The following IL12RB2 variants were observed in gnomAD, a reference collection of about 807,000 sequenced individuals.
IL12RB2 encodes the protein interleukin 12 receptor subunit beta 2.
IL12RB2 carries 82 observed loss-of-function variants against 89.4 expected under a neutral mutation model. That is an observed-to-expected ratio of 0.92 (90% confidence interval 0.77 to 1.10). IL12RB2 has a LOEUF of 1.10. Ranked by LOEUF, IL12RB2 falls within the 50% of genes least tolerant of loss-of-function variation. The probability of loss-of-function intolerance (pLI) is 0.00; values close to 1 mark genes in which losing one functional copy is unlikely to be tolerated. For synonymous variants in IL12RB2, 368 were observed against 370.1 expected (o/e 0.99, Z 0.07); for missense variants, 963 against 1,031.9 (o/e 0.93, Z 0.92).
chr1:67,389,442 T>A (rs184096246), intron 15 of IL12RB2, among the ~76,000 whole-genome samples: 172 of 152,334 alleles, frequency 1.1e-3, no homozygotes, highest in African/African-American at 3.8e-3. Context: ...ATAAGAAATG[T>A]TTTTAGGATT....
chr1:67,387,416 T>C (rs1262824835), intron 15 of IL12RB2, among the ~76,000 whole-genome samples: 1 of 151,768 alleles, frequency 6.6e-6, no homozygotes, highest in Non-Finnish European at 1.5e-5. Flanking sequence ...TTAAATAGTA[T>C]GGCAGGCCGG....
chr1:67,395,462 G>C, intron 16 of IL12RB2, 85 bp from the exon 17 acceptor site: 21 of 1,611,872 alleles, frequency 1.3e-5, no homozygotes, highest in Non-Finnish European at 1.8e-5. Flanking sequence ...AGTGCAGGTT[G>C]TGAGGCCTTT....
Position 67,329,670 on chromosome 1 carries a change from G to A in IL12RB2, c.748G>A (p.Gly250Arg), listed in dbSNP as rs1342643312. 6.3e-7 allele frequency: 1 copy of A among 1,592,330 alleles called. No individual in the cohort carries two copies. Among genetic ancestry groups the A allele is most frequent in the African/African-American group, 1.3e-5 (1 of 74,464 alleles). ...SRCTLYWRDE[G>R]LVLLNRLRYR... ...ATGTACCCTTTATTGGAGAGATGAGGGACTGGTACTGCTTAATCGACTCAG... is the reference window on the plus strand; with the variant it reads ...ATGTACCCTTTATTGGAGAGATGAGAGACTGGTACTGCTTAATCGACTCAG... Residue 250 changes from glycine (G) to arginine (R), a missense_variant, in exon 7 of 17, where the codon GGA becomes AGA. By Grantham distance (125) the Gly-to-Arg change is moderately radical (BLOSUM62 -2). Transcript: ENST00000674203.
rs143237488 is a variant in IL12RB2 at position 67,324,546 on chromosome 1, G to A, written c.365-2189G>A. Reference sequence around the variant, plus strand: ...AATTTTTGTATTTTTAGTAGAGACAGGGTTTCACCATGTTACCCAGGCTCA... The same window carrying A: ...AATTTTTGTATTTTTAGTAGAGACAAGGTTTCACCATGTTACCCAGGCTCA... On this transcript the variant is annotated intron_variant, in intron 4 of 16. Coordinates refer to ENST00000674203, the MANE Select transcript of IL12RB2 (RefSeq NM_001374259.2). Among the ~76,000 whole-genome samples the A allele has an allele frequency of 1.1e-4, 16 of 152,174 alleles. 1 individual carries two copies. In the East Asian group the frequency reaches 2.9e-3, roughly 28 times the overall value.
rs1665181361 is a variant in IL12RB2 at position 67,386,632 on chromosome 1, A to C, written c.1909A>C (p.Met637Leu). The C allele has an allele frequency of 6.2e-7, 1 of 1,613,596 alleles. No individual in the cohort carries two copies. Among genetic ancestry groups the C allele is most frequent in the South Asian group, 1.1e-5 (1 of 91,080 alleles). The change falls in exon 15 of 17, where the codon ATG becomes CTG. Residue 637 changes from methionine (M) to leucine (L), a missense_variant. Physicochemically the swap from Met to Leu is conservative, Grantham distance 15. Transcript: ENST00000674203. ...VAPSICIAII[M>L]VGIFSTHYFQ... ...ACCAAGCATTTGCATTGCTATCATC[A>C]TGGTGGGCATTTTCTCAACGCATTA... is the stretch of plus-strand genomic sequence containing the variant.
intron 2 of IL12RB2, among the ~76,000 whole-genome samples, chr1:67,318,237 G>A (rs773362530): frequency 3.3e-5 from 5 of 152,238 alleles, no homozygotes; most frequent in Non-Finnish European, 7.3e-5. Flanking sequence ...GGCAAGATGG[G>A]AAGAAGTGAG....
intron 14 of IL12RB2, among the ~76,000 whole-genome samples, chr1:67,384,212 C>T (rs1557473072): frequency 6.6e-6 from 1 of 152,254 alleles, no homozygotes; most frequent in Non-Finnish European, 1.5e-5. Context: ...CCAGGCACTT[C>T]CATACATCCT....
Position 67,395,825 on chromosome 1 carries a change from C to T in IL12RB2, c.2325C>T (p.Ser775=), listed in dbSNP as rs769052274. The change falls in exon 17 of 17, where the codon TCC becomes TCT. Residue 775 remains serine (S), a synonymous_variant. Transcript: ENST00000674203. ...ACAAGGTGCTGGAGAGCAGGGGCTC[C>T]GACCCAAAGCCCGAAAACCCAGCCT... ...DLYKVLESRG[S]DPKPENPACP... is the part of the protein sequence containing the mutation. 36 of 1,612,056 alleles carry T rather than the reference C, an allele frequency of 2.2e-5. No individual in the cohort carries two copies. Among genetic ancestry groups the T allele is most frequent in the South Asian group, 5.5e-5 (5 of 91,052 alleles).
intron 8 of IL12RB2, among the ~76,000 whole-genome samples, chr1:67,337,827 A>AT (rs1320317552): frequency 6.7e-6 from 1 of 148,990 alleles, no homozygotes; most frequent in Non-Finnish European, 1.5e-5. Flanking sequence ...ATATTAGTGT[A>AT]TTTTTACAAG....
intron 1 of IL12RB2, among the ~76,000 whole-genome samples, chr1:67,312,288 T>G (rs1010160309): frequency 2.0e-5 from 3 of 152,198 alleles, no homozygotes; most frequent in African/African-American, 7.2e-5. Flanking sequence ...AGGCTGGAGT[T>G]TCCGAAGCTT....
chr1:67,391,269 C>T (rs1174374599), intron 16 of IL12RB2, among the ~76,000 whole-genome samples: 2 of 151,782 alleles, frequency 1.3e-5, no homozygotes, highest in East Asian at 3.9e-4. Flanking sequence ...CATTCACTTT[C>T]TTCCCAAGAA....
intron 16 of IL12RB2, among the ~76,000 whole-genome samples, chr1:67,393,593 G>A (rs1666061138): frequency 6.6e-6 from 1 of 152,244 alleles, no homozygotes; most frequent in East Asian, 1.9e-4. Flanking sequence ...GAAAAGAGCA[G>A]TCTCCCCGAA....
chr1:67,321,306 T>G (rs896633887), intron 3 of IL12RB2, among the ~76,000 whole-genome samples: 8 of 152,174 alleles, frequency 5.3e-5, no homozygotes, highest in African/African-American at 1.7e-4. Context: ...CCCGGAACTG[T>G]GTTCCTGAAT....
intron 10 of IL12RB2, among the ~76,000 whole-genome samples, chr1:67,367,624 T>C (rs1043001175): frequency 6.6e-6 from 1 of 152,084 alleles, no homozygotes; most frequent in Non-Finnish European, 1.5e-5. Flanking sequence ...TTTTACGTAA[T>C]GTTTGAACAA....
chr1:67,365,681 T>C (rs1182672327), intron 10 of IL12RB2, among the ~76,000 whole-genome samples: 3 of 152,058 alleles, frequency 2.0e-5, no homozygotes, highest in African/African-American at 2.4e-5. Context: ...GTGATGACAT[T>C]GGGAAAAATT....
intron 13 of IL12RB2, among the ~76,000 whole-genome samples, chr1:67,376,976 C>T (rs536215371): frequency 8.5e-5 from 13 of 152,344 alleles, no homozygotes; most frequent in African/African-American, 2.9e-4. Context: ...CAAGCAATCT[C>T]ACCAGGCTAG....
intron 10 of IL12RB2, among the ~76,000 whole-genome samples, chr1:67,366,595 T>C (rs1484518208): frequency 6.6e-6 from 1 of 152,148 alleles, no homozygotes; most frequent in Admixed American, 6.6e-5. Flanking sequence ...AGAGCCTTCA[T>C]GCTTTTCTTG....
chr1:67,372,212 C>T (rs1164896009), intron 11 of IL12RB2, among the ~76,000 whole-genome samples: 1 of 152,044 alleles, frequency 6.6e-6, no homozygotes, highest in African/African-American at 2.4e-5. Context: ...TTGATCTCAT[C>T]CTTTGAAGTT....
At chr1:67,391,089 C>A (rs542984630) in intron 16 of IL12RB2, among the ~76,000 whole-genome samples, 1 of 152,258 alleles carries the variant, frequency 6.6e-6, no homozygotes, top group East Asian at 1.9e-4. Context: ...CCAGAGGCCA[C>A]CCCTGCCTCT....
Sources: allele counts gnomAD v4.1 joint callset (sites outside exome capture counted in the v4.1 genomes callset), GRCh38; gene constraint gnomAD v4.1.1; transcripts MANE v1.5; gene names NCBI Gene and HGNC (gene_info 2026-07-23, HGNC 2026-07-21).